SPATS2: variants seen among roughly 807,000 people sequenced by gnomAD.
SPATS2 encodes spermatogenesis associated serine rich 2.
In SPATS2, 38 loss-of-function variants were observed where a neutral mutation model predicts 63.7. That is an observed-to-expected ratio of 0.60 (90% CI 0.46 to 0.78). The LOEUF is 0.78. Ranked by LOEUF, SPATS2 falls within the 30% of genes least tolerant of loss-of-function variation. SPATS2 has a pLI of 0.00. For synonymous variants in SPATS2, 207 were observed against 232.9 expected (o/e 0.89, Z 1.01); for missense variants, 588 against 666.2 (o/e 0.88, Z 1.29).
At chr12:49,453,116 G>A (rs1945653683) in intron 2 of SPATS2, among the ~76,000 whole-genome samples, 1 of 144,976 alleles carries the variant, frequency 6.9e-6, no homozygotes, top group Non-Finnish European at 1.5e-5. Flanking sequence ...CCAAGATTGC[G>A]CCACTGCACT....
At chr12:49,399,118 CT>C (rs752175917) in intron 2 of SPATS2, among the ~76,000 whole-genome samples, 2 of 151,638 alleles carry the variant, frequency 1.3e-5, no homozygotes, top group East Asian at 1.9e-4. Flanking sequence ...GTTTTCGTGT[CT>C]TTTTTTCTAA....
intron 2 of SPATS2, among the ~76,000 whole-genome samples, chr12:49,403,393 C>T (rs192869270): frequency 8.7e-4 from 132 of 152,046 alleles, no homozygotes; most frequent in Non-Finnish European, 5.9e-5. Context: ...TTTGGGAGGC[C>T]GAGGTGGGTG....
intron 6 of SPATS2, 80 bp from the exon 7 acceptor site, chr12:49,494,661 G>A: frequency 7.4e-7 from 1 of 1,347,896 alleles, no homozygotes; most frequent in Non-Finnish European, 9.9e-7. Context: ...TTACCTTTGG[G>A]TAGCTAGAGT....
chr12:49,474,424 A>C (rs945830150), intron 3 of SPATS2, among the ~76,000 whole-genome samples: 1 of 152,226 alleles, frequency 6.6e-6, no homozygotes, highest in African/African-American at 2.4e-5. Context: ...GTTTAGTTGG[A>C]GACAGAAGCA....
intron 2 of SPATS2, among the ~76,000 whole-genome samples, chr12:49,412,789 A>G (rs1268589252): frequency 6.6e-6 from 1 of 152,028 alleles, no homozygotes; most frequent in Non-Finnish European, 1.5e-5. Flanking sequence ...GAAGTTAGAT[A>G]ATAATATTTA....
At chr12:49,508,739 C>T (rs1318175473) in intron 9 of SPATS2, among the ~76,000 whole-genome samples, 1 of 150,496 alleles carries the variant, frequency 6.6e-6, no homozygotes, top group Non-Finnish European at 1.5e-5. Flanking sequence ...CTGGCCCTGG[C>T]TCAGCCTTTT....
chr12:49,433,674 C>T (rs1487243138), intron 2 of SPATS2, among the ~76,000 whole-genome samples: 1 of 152,088 alleles, frequency 6.6e-6, no homozygotes, highest in African/African-American at 2.4e-5. Context: ...TGCAGGAGTT[C>T]TTCATAAATT....
At chr12:49,499,394 GTTT>G (rs1565752313) in intron 8 of SPATS2, among the ~76,000 whole-genome samples, 3 of 72,650 alleles carry the variant, frequency 4.1e-5, no homozygotes, top group African/African-American at 2.7e-4. Flanking sequence ...CTGCCTGGTT[GTTT>G]TGTTTTGTTT....
chr12:49,479,541 C>T (rs1416132135), intron 3 of SPATS2, among the ~76,000 whole-genome samples: 1 of 152,226 alleles, frequency 6.6e-6, no homozygotes, highest in African/African-American at 2.4e-5. Context: ...ATGGGGGGCT[C>T]CTGCCTGCTT....
rs1315254169 is a variant in SPATS2, at chr12:49,519,146, A to G, written c.972A>G (p.Ser324=). The part of the protein sequence containing the change: ...KKMTHVAVQM[S]EQQLVELRAD... Reference sequence around the variant, plus strand: ...TGACTCATGTGGCTGTTCAAATGTCAGAGCAGCAATTGGTTGAGCTCAGAG... The same window carrying G: ...TGACTCATGTGGCTGTTCAAATGTCGGAGCAGCAATTGGTTGAGCTCAGAG... The change falls in exon 11 of 14, where the codon TCA becomes TCG. Residue 324 remains serine, a synonymous_variant. Transcript: ENST00000552918. The G allele has an allele frequency of 6.2e-7, 1 of 1,614,140 alleles. No individual in the cohort carries two copies. The highest frequency in any genetic ancestry group is 8.5e-7 in the Non-Finnish European group (1 of 1,180,002).
intron 6 of SPATS2, among the ~76,000 whole-genome samples, chr12:49,491,374 C>G (rs7976165): frequency 2.0e-5 from 3 of 151,858 alleles, no homozygotes; most frequent in Admixed American, 6.6e-5. Context: ...GATTTTTGGT[C>G]GGGCAACTGG....
At chr12:49,374,680 G>T (rs941417138) in intron 2 of SPATS2, among the ~76,000 whole-genome samples, 1 of 152,116 alleles carries the variant, frequency 6.6e-6, no homozygotes, top group Non-Finnish European at 1.5e-5. Flanking sequence ...TAAGTTGAAG[G>T]CTGGGTGCGG....
At chr12:49,430,966 C>T (rs935925193) in intron 2 of SPATS2, among the ~76,000 whole-genome samples, 5 of 152,218 alleles carry the variant, frequency 3.3e-5, no homozygotes, top group Non-Finnish European at 7.3e-5. Flanking sequence ...GGATTACAGG[C>T]ATGAGCCACT....
intron 7 of SPATS2, 32 bp from the exon 8 acceptor site, chr12:49,496,801 T>A: frequency 6.2e-7 from 1 of 1,602,404 alleles, no homozygotes; most frequent in Non-Finnish European, 8.5e-7. Flanking sequence ...TCCTAAATTG[T>A]GCTCTAAAGT....
At chr12:49,456,460 A>G (rs1320543934) in intron 2 of SPATS2, among the ~76,000 whole-genome samples, 5 of 152,370 alleles carry the variant, frequency 3.3e-5, no homozygotes, top group African/African-American at 7.2e-5. Flanking sequence ...ATCAGAACAG[A>G]CAAGACTACT....
chr12:49,509,013 G>A (rs1376823611), intron 9 of SPATS2, among the ~76,000 whole-genome samples: 2 of 151,838 alleles, frequency 1.3e-5, no homozygotes, highest in African/African-American at 4.8e-5. Flanking sequence ...GCAGTGAGCC[G>A]AGATCATGCC....
chr12:49,389,821 G>T, intron 2 of SPATS2: 2 of 937,550 alleles, frequency 2.1e-6, no homozygotes, highest in South Asian at 2.6e-5. Context: ...CTTACGATGA[G>T]CAAGTATCGA....
At chr12:49,467,366 T>C (rs1945941424) in intron 3 of SPATS2, among the ~76,000 whole-genome samples, 1 of 152,108 alleles carries the variant, frequency 6.6e-6, no homozygotes, top group South Asian at 2.1e-4. Flanking sequence ...CTGTCCCAGA[T>C]ATGTATAACT....
chr12:49,417,614 A>G (rs577393258), intron 2 of SPATS2, among the ~76,000 whole-genome samples: 1 of 152,116 alleles, frequency 6.6e-6, no homozygotes, highest in Non-Finnish European at 1.5e-5. Flanking sequence ...TGTTGTTTCC[A>G]TTTTGTTTTC....
Sources: allele counts gnomAD v4.1 joint callset (sites outside exome capture counted in the v4.1 genomes callset), GRCh38; gene constraint gnomAD v4.1.1; transcripts MANE v1.5; gene names NCBI Gene and HGNC (gene_info 2026-07-23, HGNC 2026-07-21).